Variants in BCAT1 observed in about 807,000 individuals in gnomAD.
The protein encoded by BCAT1 is branched chain amino acid transaminase 1, also known as branched-chain-amino-acid aminotransferase, cytosolic.
Under a neutral mutation model 52.4 loss-of-function variants are expected in BCAT1, and 48 were observed. The ratio of observed to expected loss-of-function variants is 0.92; its 90% confidence interval spans 0.73 to 1.16. BCAT1 has a LOEUF of 1.16. BCAT1 is among the 50% of genes most tolerant of loss of function. BCAT1 has a pLI of 0.00. For synonymous variants in BCAT1, 167 were observed against 161.3 expected, an observed-to-expected ratio of 1.04 and a Z score of -0.27; for missense variants, 451 against 457.1, an observed-to-expected ratio of 0.99 and a Z score of 0.12.
chr12:24,847,623 G>C lies in BCAT1; in HGVS notation c.674+2163C>G, dbSNP rs556454075. ...AGAGAGAGAGAAAAAGAGAGAAAGAGAGAGAGAGTGACAGAAAGCCTTATT... is the reference window on the plus strand; with the variant it reads ...AGAGAGAGAGAAAAAGAGAGAAAGACAGAGAGAGTGACAGAAAGCCTTATT... On this transcript the variant is annotated intron_variant, in intron 6 of 10. Coordinates refer to ENST00000261192, the MANE Select transcript of BCAT1 (RefSeq NM_005504.7). Among the ~76,000 whole-genome samples, 5 of 152,288 alleles carry C rather than the reference G, an allele frequency of 3.3e-5. No homozygotes were observed. In the South Asian group the frequency reaches 1.0e-3, roughly 32 times the overall value.
intron 1 of BCAT1, among the ~76,000 whole-genome samples, chr12:24,943,805 A>G (rs1943889463): frequency 6.6e-6 from 1 of 151,274 alleles, no homozygotes; most frequent in East Asian, 1.9e-4. Flanking sequence ...TAACATGGTG[A>G]AACCCCGTCT....
chr12:24,896,796 C>G (rs1319488203), intron 2 of BCAT1, among the ~76,000 whole-genome samples: 1 of 152,060 alleles, frequency 6.6e-6, no homozygotes, highest in Non-Finnish European at 1.5e-5. Context: ...TTAGCAACCC[C>G]TATTCTGGAC....
At position 24,864,486 on chromosome 12, in the gene BCAT1, G is replaced by A. The variant is rs1190481873; in HGVS notation, c.510+14044C>T. 2.6e-5 allele frequency among the ~76,000 whole-genome samples: 4 copies of A among 152,230 alleles called. No individual in the cohort carries two copies. The East Asian group carries it at 5.8e-4, about 22-fold the overall frequency. On this transcript the variant is annotated intron_variant, in intron 5 of 10. Transcript: ENST00000261192. ...GTATGTGTGTGACCGTGCAAGGTGG[G>A]GGTTGGATGCTGCTCTACTTAGTCA...
chr12:24,875,420 A>G (rs1026045749), intron 5 of BCAT1, among the ~76,000 whole-genome samples: 1 of 152,210 alleles, frequency 6.6e-6, no homozygotes, highest in African/African-American at 2.4e-5. Flanking sequence ...CGGCTCCCCA[A>G]ATGGTATTCG....
At chr12:24,873,260 C>A (rs1228834240) in intron 5 of BCAT1, among the ~76,000 whole-genome samples, 2 of 152,224 alleles carry the variant, frequency 1.3e-5, no homozygotes, top group East Asian at 3.9e-4. Flanking sequence ...TCTTAATTCC[C>A]AACTGATATG....
chr12:24,882,745 C>T (rs538074077), intron 3 of BCAT1, among the ~76,000 whole-genome samples: 9 of 151,830 alleles, frequency 5.9e-5, no homozygotes, highest in African/African-American at 1.7e-4. Flanking sequence ...ACTACAGGCG[C>T]GCACCACCAC....
At position 24,836,521 on chromosome 12, in the gene BCAT1, G is replaced by A. The variant is rs1029190936; in HGVS notation, c.893C>T (p.Ala298Val). 6.2e-7 allele frequency: 1 copy of A among 1,612,342 alleles called. No homozygotes were observed. The highest frequency in any genetic ancestry group is 1.7e-5 in the Admixed American group (1 of 59,866). ...GVTRRCILDLAHQWGEFKVSE... is the reference protein window; with the variant it reads ...GVTRRCILDLVHQWGEFKVSE... Reference sequence around the variant, plus strand: ...ATCAAAGGCACCCACCCACTGATGTGCCAGGTCCAGAATGCACCGCCTTGT... The same window carrying A: ...ATCAAAGGCACCCACCCACTGATGTACCAGGTCCAGAATGCACCGCCTTGT... Residue 298 changes from alanine (A) to valine (V), a missense_variant, in exon 8 of 11, where the codon GCA (alanine) becomes GTA (valine). By Grantham distance (64) the Ala-to-Val change is moderately conservative. Transcript: ENST00000261192.
In BCAT1 at chr12:24,948,908, CA is replaced by C; in HGVS notation, c.6+18del. On this transcript the variant is annotated intron_variant, in intron 1 of 10. Transcript: ENST00000261192. ...CGCACACATTTTTGTAAAACACGGACAAAACCATAAGTAGTTACCTTCATTG... is the reference window on the plus strand; with the variant it reads ...CGCACACATTTTTGTAAAACACGGACAAACCATAAGTAGTTACCTTCATTG... The C allele has an allele frequency of 6.3e-7, 1 of 1,593,082 alleles. No homozygotes were observed. The highest frequency in any genetic ancestry group is 8.6e-7 in the Non-Finnish European group (1 of 1,169,274).
chr12:24,868,069 TAAA>T (rs1045325068), intron 5 of BCAT1, among the ~76,000 whole-genome samples: 29 of 151,942 alleles, frequency 1.9e-4, no homozygotes, highest in African/African-American at 6.3e-4. Flanking sequence ...CATGCAAAAA[TAAA>T]AATGCCTATC....
intron 3 of BCAT1, among the ~76,000 whole-genome samples, chr12:24,887,080 A>AAAAAAAAAAAAAAATATAT (rs1245203518): frequency 7.4e-5 from 3 of 40,746 alleles, no homozygotes; most frequent in Admixed American, 2.9e-4. Context: ...AAAAAAAAAA[A>AAAAAAAAAAAAAAATATAT]ATATATATAT....
intron 5 of BCAT1, among the ~76,000 whole-genome samples, chr12:24,875,448 C>T (rs908881280): frequency 6.6e-6 from 1 of 152,160 alleles, no homozygotes; most frequent in Non-Finnish European, 1.5e-5. Flanking sequence ...ATAATGTTGA[C>T]TCCCCAAATA....
At chr12:24,913,685 G>C (rs1486857840) in intron 1 of BCAT1, among the ~76,000 whole-genome samples, 1 of 151,952 alleles carries the variant, frequency 6.6e-6, no homozygotes, top group African/African-American at 2.4e-5. Flanking sequence ...AATATGATTG[G>C]ACAAAAAAGG....
upstream of BCAT1, chr12:24,949,102 A>G: frequency 1.6e-6 from 1 of 622,016 alleles, no homozygotes; most frequent in Non-Finnish European, 2.8e-6. Context: ...GCTGGATTGC[A>G]GACCGGCCCT....
rs560488950 is a variant in BCAT1, at chr12:24,900,422, C to CA, written c.78+1391dup. On this transcript the variant is annotated intron_variant, in intron 2 of 10. Coordinates refer to ENST00000261192, the MANE Select transcript of BCAT1 (RefSeq NM_005504.7). ...GCAACACAGGGAGATCCCATCTCTA[C>CA]AAAAAATGACGAAATTAGTTGGGCC... Among the ~76,000 whole-genome samples, 24 of 152,024 alleles carry CA rather than the reference C, an allele frequency of 1.6e-4. No individual in the cohort carries two copies. In the South Asian group the frequency reaches 4.4e-3, roughly 28 times the overall value.
At chr12:24,883,995 G>T (rs1258068519) in intron 3 of BCAT1, among the ~76,000 whole-genome samples, 1 of 152,100 alleles carries the variant, frequency 6.6e-6, no homozygotes, top group African/African-American at 2.4e-5. Context: ...CCATAGCCTG[G>T]GGTTTGGGGA....
In BCAT1 at chr12:24,877,902, C is replaced by T. The variant is rs11047687; in HGVS notation, c.510+628G>A. Among the ~76,000 whole-genome samples the T allele has an allele frequency of 8.8e-3, 1,337 of 152,096 alleles. 22 individuals carry two copies. The highest frequency in any genetic ancestry group is 0.03 in the African/African-American group (1,242 of 41,470). On this transcript the variant is annotated intron_variant, in intron 5 of 10. Transcript: ENST00000261192. ...GGTGAAGTGGCTCATGCCTGTAATC[C>T]CAGGACTTTGGGAGGCCAAGGTGGG...
In BCAT1 at chr12:24,931,161, C is replaced by T. The variant is rs191162382; in HGVS notation, c.6+17766G>A. ...TCAGGTGATCCACTCCCCGCTCAGCCTTCCAAAGTGCTGGGATTACAGGTG... is the reference window on the plus strand; with the variant it reads ...TCAGGTGATCCACTCCCCGCTCAGCTTTCCAAAGTGCTGGGATTACAGGTG... On this transcript the variant is annotated intron_variant, in intron 1 of 10. Coordinates refer to ENST00000261192, the MANE Select transcript of BCAT1 (RefSeq NM_005504.7). 3.2e-4 allele frequency among the ~76,000 whole-genome samples: 49 copies of T among 152,220 alleles called. No homozygotes were observed. In the East Asian group the frequency reaches 9.5e-3, roughly 29 times the overall value.
chr12:24,824,682 GT>G (rs1237100039), intron 10 of BCAT1, among the ~76,000 whole-genome samples: 2 of 152,084 alleles, frequency 1.3e-5, no homozygotes, highest in African/African-American at 2.4e-5. Context: ...TGTACAATTT[GT>G]TTAAGAAAAT....
chr12:24,920,994 T>C (rs562331438), intron 1 of BCAT1, among the ~76,000 whole-genome samples: 1 of 152,024 alleles, frequency 6.6e-6, no homozygotes, highest in Admixed American at 6.5e-5. Context: ...CCTCGTGGAG[T>C]TGGGATGTGC....
Sources: gnomAD v4.1 joint callset for allele counts (sites outside exome capture counted in the v4.1 genomes callset) on GRCh38, gnomAD v4.1.1 for gene constraint, MANE v1.5 for transcripts, NCBI Gene and HGNC (gene_info 2026-07-23, HGNC 2026-07-21) for gene names.